PCDH15: variants seen among roughly 807,000 people sequenced by gnomAD.
PCDH15 encodes protocadherin related 15.
Under a neutral mutation model 178.5 loss-of-function variants are expected in PCDH15, and 129 were observed. The ratio of observed to expected loss-of-function variants is 0.72; its 90% CI spans 0.63 to 0.84. The LOEUF (loss-of-function observed/expected upper bound fraction) is 0.84. PCDH15 is among the 40% of genes least tolerant of loss of function. The pLI is 0.00. For missense variants in PCDH15, 2,230 were observed against 2,099.9 expected (o/e 1.06, Z -1.21); for synonymous variants, 800 against 732.0 (o/e 1.09, Z -1.50).
rs1010109745 is a variant in PCDH15, at chr10:55,051,486, A to T, written c.-80+115090T>A. On this transcript the variant is annotated intron_variant, in intron 2 of 5. Coordinates refer to the PCDH15 transcript ENST00000458638. Reference sequence around the variant, plus strand: ...TTATTTGTACCAGGTATAAAATGATACAAAAAAGTATAAATTAAAAGTAAA... The same window carrying T: ...TTATTTGTACCAGGTATAAAATGATTCAAAAAAGTATAAATTAAAAGTAAA... Among the ~76,000 whole-genome samples the T allele has an allele frequency of 8.5e-5, 13 of 152,330 alleles. No individual in the cohort carries two copies. The Middle Eastern group carries it at 0.014, about 159-fold the overall frequency.
rs1257510364 is a variant in PCDH15 at position 53,900,205 on chromosome 10, AACTT to A, written c.3501+3034_3501+3037del. On this transcript the variant is annotated intron_variant, in intron 26 of 37. Transcript: ENST00000644397. ...AACACATTCTTTCTCTCTCTCTCTA[AACTT>A]TCTCTCTCTCTCTCTCTCTCTCTCC... Among the ~76,000 whole-genome samples the A allele has an allele frequency of 1.4e-4, 13 of 91,254 alleles. No homozygotes were observed. The Admixed American group carries it at 1.5e-3, about 11-fold the overall frequency. The allele number at this position is 91,254 out of a possible 152,430, so 59.9% of individuals were successfully genotyped here.
chr10:55,269,520 T>G lies in PCDH15; in HGVS notation c.-156+50079A>C, dbSNP rs1350584496. On this transcript the variant is annotated intron_variant, in intron 1 of 5. Transcript: ENST00000458638. ...GCTGAGAGGCAAATCAAGAACATGA[T>G]CCCATTTACAATAGCTAAAAATAAA... 4.9e-4 allele frequency among the ~76,000 whole-genome samples: 74 copies of G among 151,992 alleles called. 1 individual carries two copies. The highest frequency in any genetic ancestry group is 4.9e-3 in the Admixed American group (74 of 15,250).
chr10:54,774,335 A>T (rs1949461805), intron 1 of PCDH15, among the ~76,000 whole-genome samples: 1 of 151,854 alleles, frequency 6.6e-6, no homozygotes, highest in Non-Finnish European at 1.5e-5. Context: ...GCCACTTCAT[A>T]GTCTTATAAA....
chr10:54,125,069 G>T (rs2041875074), intron 15 of PCDH15, among the ~76,000 whole-genome samples: 1 of 152,020 alleles, frequency 6.6e-6, no homozygotes, highest in Non-Finnish European at 1.5e-5. Context: ...AATGGATAAA[G>T]ATTAAAAGAA....
chr10:54,161,315 T>C (rs1229134460), intron 13 of PCDH15, among the ~76,000 whole-genome samples: 1 of 152,150 alleles, frequency 6.6e-6, no homozygotes, highest in Non-Finnish European at 1.5e-5. Context: ...ATACATACTA[T>C]GGGACTCCAT....
intron 2 of PCDH15, among the ~76,000 whole-genome samples, chr10:54,618,755 G>A (rs1041455057): frequency 6.6e-6 from 1 of 151,960 alleles, no homozygotes; most frequent in African/African-American, 2.4e-5. Flanking sequence ...TAATTATGTT[G>A]AAATATTATT....
intron 35 of PCDH15, among the ~76,000 whole-genome samples, chr10:53,815,808 G>T (rs905175666): frequency 7.2e-5 from 11 of 151,974 alleles, no homozygotes; most frequent in African/African-American, 2.2e-4. Context: ...TAATATATGT[G>T]TCCAAAAGAA....
At chr10:54,717,397 C>T (rs2132445553) in intron 1 of PCDH15, among the ~76,000 whole-genome samples, 1 of 135,260 alleles carries the variant, frequency 7.4e-6, no homozygotes, top group East Asian at 2.1e-4. Flanking sequence ...CTACAATGAA[C>T]TCAAACAAAT....
intron 2 of PCDH15, among the ~76,000 whole-genome samples, chr10:55,331,600 G>A (rs7922055): frequency 0.19 from 29,038 of 151,884 alleles, 2,979 homozygotes; most frequent in African/African-American, 0.26. Flanking sequence ...CTGTGCACAA[G>A]GATATCCTTT....
At chr10:54,924,883 A>G (rs1837579339) in intron 2 of PCDH15, among the ~76,000 whole-genome samples, 1 of 152,062 alleles carries the variant, frequency 6.6e-6, no homozygotes, top group Admixed American at 6.6e-5. Context: ...ATGTTCTCCT[A>G]TTATGTAGGT....
At chr10:54,164,111 G>A (rs1404591085) in intron 13 of PCDH15, among the ~76,000 whole-genome samples, 1 of 152,174 alleles carries the variant, frequency 6.6e-6, no homozygotes, top group Admixed American at 6.6e-5. Context: ...GCTAGTGAAA[G>A]TTTATTCCTA....
rs148662961 is a variant in PCDH15, at chr10:55,078,282, A to G, written c.-80+88294T>C. Among the ~76,000 whole-genome samples, 8 of 152,108 alleles carry G rather than the reference A, an allele frequency of 5.3e-5. No individual in the cohort carries two copies. The East Asian group carries it at 1.6e-3, about 30-fold the overall frequency. On this transcript the variant is annotated intron_variant, in intron 2 of 5. Coordinates refer to the PCDH15 transcript ENST00000458638. Reference sequence around the variant, plus strand: ...TTTTGACTTTTGAGAGATTGACTATATTGTGCTGTGGAGAAGATATTTTGG... The same window carrying G: ...TTTTGACTTTTGAGAGATTGACTATGTTGTGCTGTGGAGAAGATATTTTGG...
intron 2 of PCDH15, among the ~76,000 whole-genome samples, chr10:55,511,527 C>A (rs1477334136): frequency 6.6e-6 from 1 of 152,050 alleles, no homozygotes; most frequent in African/African-American, 2.4e-5. Context: ...GCCATTTGGA[C>A]AAAATTTACT....
intron 2 of PCDH15, among the ~76,000 whole-genome samples, chr10:55,065,105 A>G (rs1841530168): frequency 6.6e-6 from 1 of 152,104 alleles, no homozygotes; most frequent in Non-Finnish European, 1.5e-5. Flanking sequence ...TGTGAGACAC[A>G]AATAAGAATC....
intron 2 of PCDH15, among the ~76,000 whole-genome samples, chr10:55,038,914 A>G (rs1564739134): frequency 6.6e-6 from 1 of 152,210 alleles, no homozygotes; most frequent in Non-Finnish European, 1.5e-5. Flanking sequence ...AGAGTAAAAA[A>G]AGAATAGTTT....
chr10:54,521,372 A>G (rs2082845106), intron 3 of PCDH15, among the ~76,000 whole-genome samples: 1 of 152,134 alleles, frequency 6.6e-6, no homozygotes, highest in Non-Finnish European at 1.5e-5. Flanking sequence ...GCTATTTGCT[A>G]TTTTCTCACA....
At chr10:54,491,439 C>T (rs1405998179) in intron 3 of PCDH15, among the ~76,000 whole-genome samples, 1 of 151,840 alleles carries the variant, frequency 6.6e-6, no homozygotes, top group African/African-American at 2.4e-5. Context: ...TAAGTTCTTT[C>T]TTCAACAGTC....
At chr10:54,860,441 G>T (rs1320023811) in intron 3 of PCDH15, among the ~76,000 whole-genome samples, 1 of 152,102 alleles carries the variant, frequency 6.6e-6, no homozygotes, top group East Asian at 1.9e-4. Context: ...TTATGACAAT[G>T]GCCTCCAGCT....
chr10:54,447,019 C>A (rs1040616580), intron 3 of PCDH15, among the ~76,000 whole-genome samples: 5 of 151,612 alleles, frequency 3.3e-5, no homozygotes, highest in African/African-American at 1.2e-4. Flanking sequence ...CTCCCCCTCT[C>A]TTACTCTCTG....
Sources: allele counts gnomAD v4.1 joint callset (sites outside exome capture counted in the v4.1 genomes callset), GRCh38; gene constraint gnomAD v4.1.1; transcripts MANE v1.5; gene names NCBI Gene and HGNC (gene_info 2026-07-23, HGNC 2026-07-21).